CSMD1: variants seen among roughly 807,000 people sequenced by gnomAD.
The protein encoded by CSMD1 is CUB and Sushi multiple domains 1.
Under a neutral mutation model 417.5 loss-of-function variants are expected in CSMD1, and 213 were observed. That is an observed-to-expected ratio of 0.51 (90% confidence interval 0.46 to 0.57). The LOEUF is 0.57. CSMD1 is among the 20% of genes least tolerant of loss of function. The pLI, the probability that CSMD1 is intolerant of heterozygous loss-of-function variation, is 0.00. For missense variants in CSMD1, 6,923 were observed against 4,529.7 expected (o/e 1.53, Z -15.17); for synonymous variants, 2,862 against 1,736.8 (o/e 1.65, Z -16.11).
intron 1 of CSMD1, among the ~76,000 whole-genome samples, chr8:4,666,818 CGG>C (rs1320575698): frequency 1.3e-5 from 2 of 151,922 alleles, no homozygotes; most frequent in Non-Finnish European, 2.9e-5. Flanking sequence ...ATTTTCTTAA[CGG>C]TGTGTTTTGA....
At position 3,396,177 on chromosome 8, in the gene CSMD1, G is replaced by T; in HGVS notation, c.2593+17C>A. ...GCATGCTGCCCTGCCGGGCTGTCAA[G>T]GGAAGGTGCAACTCACTCTCATAGT... On this transcript the variant is annotated intron_variant, in intron 17 of 69. Coordinates refer to ENST00000635120, the MANE Select transcript of CSMD1 (RefSeq NM_033225.6). 3 of 1,552,738 alleles carry T rather than the reference G, an allele frequency of 1.9e-6. No individual in the cohort carries two copies. Among genetic ancestry groups the T allele is most frequent in the Admixed American group, 3.9e-5 (2 of 51,220 alleles).
chr8:4,723,791 A>AC (rs1809223842), intron 1 of CSMD1, among the ~76,000 whole-genome samples: 1 of 147,442 alleles, frequency 6.8e-6, no homozygotes, highest in South Asian at 2.1e-4. Context: ...CGAATGTAAA[A>AC]AAAAAAAAAC....
intron 26 of CSMD1, among the ~76,000 whole-genome samples, chr8:3,273,227 A>G (rs1222772055): frequency 6.6e-6 from 1 of 151,010 alleles, no homozygotes; most frequent in Admixed American, 6.6e-5. Flanking sequence ...TATATGCTGG[A>G]TTACATTTAT....
intron 5 of CSMD1, among the ~76,000 whole-genome samples, chr8:3,838,895 A>ATAT (rs368135451): frequency 0.33 from 35,478 of 108,230 alleles, 7,397 homozygotes; most frequent in African/African-American, 0.47. Context: ...ATAATATATA[A>ATAT]TAATATATAC....
intron 3 of CSMD1, among the ~76,000 whole-genome samples, chr8:4,162,110 A>G (rs577524618): frequency 1.3e-5 from 2 of 152,204 alleles, no homozygotes; most frequent in Non-Finnish European, 2.9e-5. Flanking sequence ...GAAGCAATAT[A>G]TGGTTACATG....
intron 1 of CSMD1, among the ~76,000 whole-genome samples, chr8:4,953,226 G>A (rs936910773): frequency 2.6e-5 from 4 of 152,024 alleles, no homozygotes; most frequent in African/African-American, 7.2e-5. Flanking sequence ...AATGAGTTTT[G>A]CTGAAAATTT....
intron 3 of CSMD1, among the ~76,000 whole-genome samples, chr8:4,241,541 C>G (rs1406787984): frequency 1.3e-5 from 2 of 152,180 alleles, no homozygotes; most frequent in African/African-American, 2.4e-5. Context: ...GTGCACCACT[C>G]TATGTCCATG....
intron 46 of CSMD1, among the ~76,000 whole-genome samples, chr8:3,097,292 T>G (rs749962647): frequency 6.6e-6 from 1 of 152,132 alleles, no homozygotes; most frequent in Non-Finnish European, 1.5e-5. Context: ...CCACACACCT[T>G]AATTTGGGGC....
intron 5 of CSMD1, among the ~76,000 whole-genome samples, chr8:3,922,568 G>C (rs140218730): frequency 1.3e-4 from 19 of 151,890 alleles, no homozygotes; most frequent in Non-Finnish European, 2.5e-4. Context: ...TTTGTTCATG[G>C]TTACAAGTAG....
intron 41 of CSMD1, among the ~76,000 whole-genome samples, chr8:3,121,587 A>C (rs1427683183): frequency 6.6e-6 from 1 of 152,134 alleles, no homozygotes; most frequent in Non-Finnish European, 1.5e-5. Context: ...TTACTAACAG[A>C]GCTTTGGGGG....
chr8:4,219,976 G>T (rs555560679), intron 3 of CSMD1, among the ~76,000 whole-genome samples: 8 of 152,024 alleles, frequency 5.3e-5, no homozygotes, highest in African/African-American at 1.9e-4. Flanking sequence ...TTGAAATGGA[G>T]TCTCACTCTG....
chr8:4,234,767 G>T (rs557775770), intron 3 of CSMD1, among the ~76,000 whole-genome samples: 2 of 152,130 alleles, frequency 1.3e-5, no homozygotes, highest in South Asian at 2.1e-4. Context: ...CAGAACAAAA[G>T]ATCTGGGCTA....
intron 2 of CSMD1, among the ~76,000 whole-genome samples, chr8:4,461,389 T>C (rs1256911245): frequency 2.0e-5 from 3 of 151,534 alleles, no homozygotes; most frequent in African/African-American, 7.3e-5. Context: ...TTTAAAGGCA[T>C]AAAGATAGGT....
intron 7 of CSMD1, among the ~76,000 whole-genome samples, chr8:3,682,496 C>CAT (rs1563268396): frequency 4.6e-5 from 7 of 152,256 alleles, no homozygotes. Flanking sequence ...AATGAGATAC[C>CAT]ATCTCACAAC....
At chr8:4,036,817 G>T (rs1252103995) in intron 3 of CSMD1, among the ~76,000 whole-genome samples, 1 of 152,202 alleles carries the variant, frequency 6.6e-6, no homozygotes, top group Non-Finnish European at 1.5e-5. Flanking sequence ...AAAATAAATA[G>T]ATTCCTGACC....
At chr8:4,145,923 C>G (rs1429719708) in intron 3 of CSMD1, among the ~76,000 whole-genome samples, 1 of 150,876 alleles carries the variant, frequency 6.6e-6, no homozygotes, top group Admixed American at 6.6e-5. Context: ...ATGATTGGCC[C>G]CATTGTTTGT....
chr8:4,785,160 G>C (rs1331841266), intron 1 of CSMD1, among the ~76,000 whole-genome samples: 1 of 152,196 alleles, frequency 6.6e-6, no homozygotes, highest in Non-Finnish European at 1.5e-5. Flanking sequence ...TGTTTCCATA[G>C]CTTTGCTGAA....
chr8:3,940,286 T>C (rs760660360), intron 5 of CSMD1, among the ~76,000 whole-genome samples: 7 of 152,056 alleles, frequency 4.6e-5, no homozygotes, highest in Non-Finnish European at 8.8e-5. Flanking sequence ...TGATAGACAT[T>C]TTAGGGTGGT....
At position 4,780,440 on chromosome 8, in the gene CSMD1, C is replaced by CTGT. The variant is rs758838195; in HGVS notation, c.86-142883_86-142882insACA. 6.3e-4 allele frequency among the ~76,000 whole-genome samples: 91 copies of CTGT among 143,952 alleles called. No homozygotes were observed. The East Asian group carries it at 0.019, about 30-fold the overall frequency. 94.4% of individuals were successfully genotyped at this position (143,952 alleles called of 152,430 possible). On this transcript the variant is annotated intron_variant, in intron 1 of 69. Coordinates refer to ENST00000635120, the MANE Select transcript of CSMD1 (RefSeq NM_033225.6). ...ATCTGTCTGTCTGTCTGTCTGTCTA[C>CTGT]CTACCTACCTACCTATCATCTCTCT...
Sources: gnomAD v4.1 joint callset for allele counts (sites outside exome capture counted in the v4.1 genomes callset) on GRCh38, gnomAD v4.1.1 for gene constraint, MANE v1.5 for transcripts, NCBI Gene and HGNC (gene_info 2026-07-23, HGNC 2026-07-21) for gene names.